Variants in PCDHGA3 observed in about 807,000 individuals in gnomAD.
PCDHGA3 encodes protocadherin gamma subfamily A, 3.
PCDHGA3 carries 40 observed loss-of-function variants against 58.5 expected under a neutral mutation model. The ratio of observed to expected loss-of-function variants is 0.68; its 90% CI spans 0.53 to 0.89. The LOEUF (loss-of-function observed/expected upper bound fraction) is 0.89, where lower values mean the gene tolerates loss of function less well. PCDHGA3 is among the 40% of genes least tolerant of loss of function. The pLI is 0.00. For synonymous variants in PCDHGA3, 530 were observed against 525.7 expected (o/e 1.01, Z -0.11); for missense variants, 1,223 against 1,195.9 (o/e 1.02, Z -0.33).
chr5:141,405,595 A>C (rs1255161296), intron 1 of PCDHGA3: 1 of 578,138 alleles, frequency 1.7e-6, no homozygotes, highest in Non-Finnish European at 3.1e-6. Flanking sequence ...CAGGCCTCCC[A>C]AGTAGAATAA....
Position 141,432,236 on chromosome 5 carries a change from G to A in PCDHGA3, c.2425-62571G>A, listed in dbSNP as rs752735346. On this transcript the variant is annotated intron_variant, in intron 1 of 3. Coordinates refer to ENST00000253812, the MANE Select transcript of PCDHGA3 (RefSeq NM_018916.4). This position sits in a 1 kb window ranked among gnomAD's most constrained non-coding sequence, Gnocchi z 6.0. ...CGCCCAGATCACTTATTCCCTGGCT[G>A]AGAACACCATCCAAGGGGCAAGCCT... is the stretch of plus-strand genomic sequence containing the variant. The A allele has an allele frequency of 8.7e-6, 14 of 1,614,130 alleles. No individual in the cohort carries two copies. The African/African-American group carries it at 9.3e-5, about 11-fold the overall frequency.
chr5:141,355,787 T>C (rs1176744852), intron 1 of PCDHGA3: 1 of 1,613,614 alleles, frequency 6.2e-7, no homozygotes, highest in East Asian at 2.2e-5. Flanking sequence ...GAGCTGGTGC[T>C]GGAACGCGCT....
intron 2 of PCDHGA3, among the ~76,000 whole-genome samples, chr5:141,495,550 G>A (rs999176899): frequency 6.6e-6 from 1 of 151,958 alleles, no homozygotes; most frequent in Non-Finnish European, 1.5e-5. Context: ...TCTCTATCTC[G>A]CTTTGCAATC....
chr5:141,494,756 A>G (rs780402065), intron 1 of PCDHGA3, 51 bp from the exon 2 acceptor site: 2 of 1,613,460 alleles, frequency 1.2e-6, no homozygotes, highest in South Asian at 1.1e-5. Context: ...CTCGGGTGAC[A>G]TTCTAACTTC....
intron 1 of PCDHGA3, chr5:141,357,522 C>T (rs773992774): frequency 2.5e-6 from 4 of 1,614,230 alleles, no homozygotes; most frequent in South Asian, 1.1e-5. Flanking sequence ...CCCAACCCAG[C>T]TATGCAGACA....
At chr5:141,438,591 CATATATATATATATATATATAT>C (rs946798767) in intron 1 of PCDHGA3, among the ~76,000 whole-genome samples, 1 of 75,562 alleles carries the variant, frequency 1.3e-5, no homozygotes, top group Middle Eastern at 7.4e-3. Context: ...TACATACATA[CATATATATATATATATATATAT>C]ATATATATAT....
rs766164142 is a variant in PCDHGA3, at chr5:141,477,910, G to A, written c.2425-16897G>A. On this transcript the variant is annotated intron_variant, in intron 1 of 3. Transcript: ENST00000253812. The surrounding 1 kb of genome is among the most constrained non-coding windows in gnomAD (Gnocchi z 4.9). ...TGTCACGGGTGGTAGGCTGGGACGC[G>A]GATGCAGGGCACAATGCCTGGCTCT... 6.2e-7 allele frequency: 1 copy of A among 1,614,166 alleles called. No individual in the cohort carries two copies. Among genetic ancestry groups the A allele is most frequent in the Admixed American group, 1.7e-5 (1 of 60,020 alleles).
chr5:141,410,234 CG>C, intron 1 of PCDHGA3: 1 of 1,613,984 alleles, frequency 6.2e-7, no homozygotes, highest in Non-Finnish European at 8.5e-7. Context: ...CCTCAGCGAC[CG>C]CCCTGTACTC....
At chr5:141,361,081 A>T (rs1273300607) in intron 1 of PCDHGA3, 5 of 1,613,948 alleles carry the variant, frequency 3.1e-6, no homozygotes, top group Non-Finnish European at 4.2e-6. Flanking sequence ...AAGTAGTTAC[A>T]CTCTGAGTAT....
intron 1 of PCDHGA3, chr5:141,371,379 G>A (rs993730534): frequency 6.2e-7 from 1 of 1,613,974 alleles, no homozygotes; most frequent in Non-Finnish European, 8.5e-7. Flanking sequence ...ACATCACACT[G>A]CATATTGTAA....
At chr5:141,427,858 C>T in intron 1 of PCDHGA3, 1 of 1,555,500 alleles carries the variant, frequency 6.4e-7, no homozygotes, top group South Asian at 1.1e-5. Context: ...CAGCTGTGCG[C>T]CTTCGAGCTC....
chr5:141,407,808 C>T (rs1182707356), intron 1 of PCDHGA3, among the ~76,000 whole-genome samples: 1 of 152,136 alleles, frequency 6.6e-6, no homozygotes, highest in Non-Finnish European at 1.5e-5. Context: ...ATAGAAATAT[C>T]TACTATAATA....
At chr5:141,352,821 C>A in intron 1 of PCDHGA3, 3 of 796,942 alleles carry the variant, frequency 3.8e-6, no homozygotes, top group Non-Finnish European at 5.8e-6. Flanking sequence ...AAAACCCGGT[C>A]TACTAAAATT....
intron 1 of PCDHGA3, among the ~76,000 whole-genome samples, chr5:141,446,714 G>T (rs193229261): frequency 2.6e-5 from 4 of 152,044 alleles, no homozygotes; most frequent in African/African-American, 9.7e-5. Flanking sequence ...TGATCTGCCC[G>T]CCTCGGCCTC....
chr5:141,345,462 C>A lies in PCDHGA3; in HGVS notation c.1429C>A (p.Gln477Lys). Residue 477 changes from glutamine to lysine, a missense_variant, in exon 1 of 4, where the codon CAG (glutamine) becomes AAG (lysine). Gln to Lys is a moderately conservative substitution (Grantham distance 53). Transcript: ENST00000253812. ...AGCCTCCATCTTCTCAGTGACAGCC[C>A]AGGACCCAGATAGCAACAACAACGC... is the stretch of plus-strand genomic sequence containing the variant. Reference protein sequence around the residue: ...RGASIFSVTAQDPDSNNNARI... With the variant: ...RGASIFSVTAKDPDSNNNARI... 2 of 1,614,144 alleles carry A rather than the reference C, an allele frequency of 1.2e-6. No homozygotes were observed. The highest frequency in any genetic ancestry group is 1.7e-6 in the Non-Finnish European group (2 of 1,180,030).
At chr5:141,405,118 G>C (rs368800698) in intron 1 of PCDHGA3, 2 of 1,613,946 alleles carry the variant, frequency 1.2e-6, no homozygotes, top group Non-Finnish European at 8.5e-7. Flanking sequence ...GGCACTCCTC[G>C]CATCTGCTGC....
chr5:141,371,646 T>C, intron 1 of PCDHGA3: 3 of 1,614,026 alleles, frequency 1.9e-6, no homozygotes, highest in Non-Finnish European at 2.5e-6. Flanking sequence ...GATCCCAGAA[T>C]ACAATGTGAC....
At chr5:141,366,464 C>A in intron 1 of PCDHGA3, 8 of 1,614,226 alleles carry the variant, frequency 5.0e-6, no homozygotes, top group Non-Finnish European at 6.8e-6. Context: ...CATCGTGCTG[C>A]TGGTGCTCAG....
At chr5:141,375,435 C>A in intron 1 of PCDHGA3, 1 of 1,614,002 alleles carries the variant, frequency 6.2e-7, no homozygotes, top group East Asian at 2.2e-5. Context: ...AACCCGCCCA[C>A]CTTCCCCCAT....
Sources: allele counts gnomAD v4.1 joint callset (sites outside exome capture counted in the v4.1 genomes callset), GRCh38; gene constraint gnomAD v4.1.1; non-coding constraint Gnocchi (gnomAD v3.1); transcripts MANE v1.5; gene names NCBI Gene and HGNC (gene_info 2026-07-23, HGNC 2026-07-21).